GUCY1A2: variants seen among roughly 807,000 people sequenced by gnomAD.
GUCY1A2 encodes guanylate cyclase 1 soluble subunit alpha 2.
Under a neutral mutation model 63.5 loss-of-function variants are expected in GUCY1A2, and 27 were observed. The ratio of observed to expected loss-of-function variants is 0.43; its 90% CI spans 0.31 to 0.59. The LOEUF (loss-of-function observed/expected upper bound fraction) is 0.59. GUCY1A2 is among the 20% of genes least tolerant of loss of function. The probability of loss-of-function intolerance (pLI) is 0.11; values close to 1 mark genes in which losing one functional copy is unlikely to be tolerated. For missense variants in GUCY1A2, 768 were observed against 913.3 expected (o/e 0.84, Z 2.05); for synonymous variants, 364 against 343.5 (o/e 1.06, Z -0.66).
chr11:106,773,542 G>C (rs913572438), intron 6 of GUCY1A2, among the ~76,000 whole-genome samples: 6 of 152,300 alleles, frequency 3.9e-5, no homozygotes, highest in South Asian at 4.1e-4. Flanking sequence ...AAACGTCTAG[G>C]AGAGGAAATG....
chr11:106,789,647 A>G (rs532530871), intron 5 of GUCY1A2, among the ~76,000 whole-genome samples: 1 of 152,256 alleles, frequency 6.6e-6, no homozygotes, highest in Admixed American at 6.5e-5. Context: ...CTTTCCAGGT[A>G]TTTGAAAGGG....
chr11:106,935,027 C>T (rs1860657092), intron 4 of GUCY1A2, among the ~76,000 whole-genome samples: 1 of 152,138 alleles, frequency 6.6e-6, no homozygotes, highest in Non-Finnish European at 1.5e-5. Flanking sequence ...ATCAATCTGA[C>T]AGAGACCAGA....
chr11:106,974,749 C>T (rs2120106950), intron 3 of GUCY1A2, among the ~76,000 whole-genome samples: 1 of 152,170 alleles, frequency 6.6e-6, no homozygotes, highest in East Asian at 1.9e-4. Flanking sequence ...GAAGATAAAG[C>T]AACACTCTGA....
chr11:106,708,279 A>C (rs1384587734), intron 7 of GUCY1A2, among the ~76,000 whole-genome samples: 3 of 152,158 alleles, frequency 2.0e-5, no homozygotes, highest in Non-Finnish European at 4.4e-5. Context: ...AGACTGTGGG[A>C]AATGACAAAC....
At chr11:106,904,313 T>G (rs1282146045) in intron 4 of GUCY1A2, among the ~76,000 whole-genome samples, 1 of 152,132 alleles carries the variant, frequency 6.6e-6, no homozygotes, top group African/African-American at 2.4e-5. Flanking sequence ...CATAAGAAGT[T>G]TTCACTGTTT....
intron 4 of GUCY1A2, among the ~76,000 whole-genome samples, chr11:106,925,430 A>G (rs1860508735): frequency 6.6e-6 from 1 of 152,228 alleles, no homozygotes. Flanking sequence ...ATCCTCAGTT[A>G]TGAAAGGGTA....
At chr11:106,836,230 T>G (rs1859115476) in intron 4 of GUCY1A2, among the ~76,000 whole-genome samples, 1 of 152,088 alleles carries the variant, frequency 6.6e-6, no homozygotes, top group South Asian at 2.1e-4. Context: ...TAACTACTAA[T>G]AGCCTACTGC....
chr11:106,846,423 A>G (rs1430222143), intron 4 of GUCY1A2, among the ~76,000 whole-genome samples: 1 of 151,612 alleles, frequency 6.6e-6, no homozygotes, highest in Non-Finnish European at 1.5e-5. Flanking sequence ...AAGTTGGTGG[A>G]AAAAAATCTA....
intron 4 of GUCY1A2, among the ~76,000 whole-genome samples, chr11:106,838,581 A>C (rs1476128141): frequency 2.0e-5 from 3 of 151,928 alleles, no homozygotes; most frequent in African/African-American, 7.2e-5. Context: ...ATTTATCATA[A>C]ACTATGTATC....
intron 4 of GUCY1A2, among the ~76,000 whole-genome samples, chr11:106,882,709 A>T (rs979755976): frequency 2.6e-5 from 4 of 152,054 alleles, no homozygotes; most frequent in Admixed American, 2.6e-4. Context: ...ATTTCACAGA[A>T]AGTTACACAT....
At position 106,677,987 on chromosome 11, in the gene GUCY1A2, T is replaced by C. The variant is rs1862373786; in HGVS notation, c.*9562A>G. 9.9e-6 allele frequency: 2 copies of C among 202,486 alleles called. No individual in the cohort carries two copies. The highest frequency in any genetic ancestry group is 1.0e-5 in the Non-Finnish European group (1 of 98,330). 12.5% of individuals were successfully genotyped at this position (202,486 alleles called of 1,614,324 possible). Reference sequence around the variant, plus strand: ...AATGAGCACCTATTATTTCAGGTCATTGAGTTATATAACAAATAAATGAAT... The same window carrying C: ...AATGAGCACCTATTATTTCAGGTCACTGAGTTATATAACAAATAAATGAAT... On this transcript the variant is annotated 3_prime_UTR_variant, in exon 8 of 8. Transcript: ENST00000526355.
At chr11:106,986,855 T>C (rs1861408114) in intron 1 of GUCY1A2, among the ~76,000 whole-genome samples, 1 of 152,148 alleles carries the variant, frequency 6.6e-6, no homozygotes, top group Non-Finnish European at 1.5e-5. Context: ...ATATGGAGTC[T>C]GCAACAAATA....
chr11:106,963,744 G>T (rs1225103358), intron 3 of GUCY1A2, among the ~76,000 whole-genome samples: 1 of 152,086 alleles, frequency 6.6e-6, no homozygotes, highest in Admixed American at 6.5e-5. Flanking sequence ...ATAAAAATAC[G>T]CTGCAAACTC....
At chr11:106,986,037 C>G in intron 2 of GUCY1A2, 33 bp downstream of exon 2, 1 of 1,054,778 alleles carries the variant, frequency 9.5e-7, no homozygotes, top group Non-Finnish European at 1.5e-6. Flanking sequence ...TTTAATTTGT[C>G]CCCAATAATA....
intron 6 of GUCY1A2, among the ~76,000 whole-genome samples, chr11:106,771,582 C>G (rs916080467): frequency 1.3e-5 from 2 of 151,972 alleles, no homozygotes; most frequent in Admixed American, 6.6e-5. Flanking sequence ...ACCCCCATCT[C>G]TACTAAAAAG....
chr11:106,850,142 T>A (rs753770621), intron 4 of GUCY1A2, among the ~76,000 whole-genome samples: 1 of 151,800 alleles, frequency 6.6e-6, no homozygotes, highest in African/African-American at 2.4e-5. Context: ...CATATTCCCA[T>A]GTTTCCTTCT....
intron 1 of GUCY1A2, among the ~76,000 whole-genome samples, chr11:107,010,945 G>A (rs190545524): frequency 0.013 from 2,050 of 152,034 alleles, 29 homozygotes; most frequent in South Asian, 0.045. Context: ...GGCCAGGCTC[G>A]TCTTGAACTC....
In GUCY1A2 at chr11:106,996,699, T is replaced by C. The variant is rs545222778; in HGVS notation, c.304-10568A>G. The stretch of plus-strand genomic sequence containing the variant: ...CAGTCAGTGGCTAAGAGACTGATTA[T>C]TTCAGGACACTGACAAGAACACGTC... On this transcript the variant is annotated intron_variant, in intron 1 of 7. Coordinates refer to ENST00000526355, the MANE Select transcript of GUCY1A2 (RefSeq NM_000855.3). 6.6e-5 allele frequency among the ~76,000 whole-genome samples: 10 copies of C among 152,322 alleles called. No individual in the cohort carries two copies. The East Asian group carries it at 1.9e-3, about 29-fold the overall frequency.
chr11:106,931,351 G>A (rs1470496507), intron 4 of GUCY1A2, among the ~76,000 whole-genome samples: 6 of 152,168 alleles, frequency 3.9e-5, no homozygotes, highest in South Asian at 2.1e-4. Flanking sequence ...GAAAAAGACC[G>A]ACAATACCAG....
Sources: gnomAD v4.1 joint callset for allele counts (sites outside exome capture counted in the v4.1 genomes callset) on GRCh38, gnomAD v4.1.1 for gene constraint, MANE v1.5 for transcripts, NCBI Gene and HGNC (gene_info 2026-07-23, HGNC 2026-07-21) for gene names.